Variants in NRG3 observed in about 807,000 individuals in gnomAD.
The protein encoded by NRG3 is pro-neuregulin-3, membrane-bound isoform.
In NRG3, 31 loss-of-function variants were observed where a neutral mutation model predicts 66.9. The ratio of observed to expected loss-of-function variants is 0.46; its 90% CI spans 0.35 to 0.63. The LOEUF is 0.63. Ranked by LOEUF, NRG3 falls within the 20% of genes least tolerant of loss-of-function variation. The pLI, the probability that NRG3 is intolerant of heterozygous loss-of-function variation, is 0.00. For synonymous variants in NRG3, 393 were observed against 359.4 expected (o/e 1.09, Z -1.06); for missense variants, 910 against 878.9 (o/e 1.04, Z -0.45).
intron 2 of NRG3, among the ~76,000 whole-genome samples, chr10:82,733,656 A>G (rs2058026149): frequency 6.6e-6 from 1 of 152,220 alleles, no homozygotes; most frequent in African/African-American, 2.4e-5. Flanking sequence ...AAATCCACAG[A>G]TGTGGAGCAA....
chr10:82,623,438 T>G (rs1008996276), intron 2 of NRG3, among the ~76,000 whole-genome samples: 2 of 152,212 alleles, frequency 1.3e-5, no homozygotes, highest in Non-Finnish European at 2.9e-5. Context: ...AGATTTGCTC[T>G]CTGCCTTGTT....
chr10:82,204,560 G>A (rs1229179191), intron 1 of NRG3, among the ~76,000 whole-genome samples: 1 of 152,150 alleles, frequency 6.6e-6, no homozygotes, highest in Non-Finnish European at 1.5e-5. Flanking sequence ...CAGTCAAGTG[G>A]CATTCGCTGT....
intron 1 of NRG3, among the ~76,000 whole-genome samples, chr10:82,033,099 A>G (rs2062641824): frequency 6.6e-6 from 1 of 152,188 alleles, no homozygotes; most frequent in Non-Finnish European, 1.5e-5. Context: ...ATTGAAAAAA[A>G]TGTGAAAATT....
chr10:82,227,337 A>G (rs763214497), intron 1 of NRG3, among the ~76,000 whole-genome samples: 7 of 152,152 alleles, frequency 4.6e-5, no homozygotes, highest in African/African-American at 7.2e-5. Context: ...TTGCAGGAAT[A>G]CTTACTAAGC....
At chr10:82,560,303 T>G (rs1195532602) in intron 2 of NRG3, among the ~76,000 whole-genome samples, 3 of 151,664 alleles carry the variant, frequency 2.0e-5, no homozygotes, top group Non-Finnish European at 4.4e-5. Context: ...TTATTATTTT[T>G]TATTGTATCC....
At chr10:82,567,367 G>C (rs1017588119) in intron 2 of NRG3, among the ~76,000 whole-genome samples, 1 of 151,900 alleles carries the variant, frequency 6.6e-6, no homozygotes, top group Non-Finnish European at 1.5e-5. Context: ...TTTATCAAAT[G>C]AATCTTTAAC....
intron 4 of NRG3, among the ~76,000 whole-genome samples, chr10:82,874,561 G>T (rs1346813391): frequency 6.6e-6 from 1 of 152,058 alleles, no homozygotes; most frequent in Non-Finnish European, 1.5e-5. Context: ...AAAGAGTTTA[G>T]TTTTGCTAGT....
At chr10:82,606,807 T>C (rs1374894917) in intron 2 of NRG3, among the ~76,000 whole-genome samples, 1 of 152,104 alleles carries the variant, frequency 6.6e-6, no homozygotes, top group Non-Finnish European at 1.5e-5. Flanking sequence ...GTTCTTCATA[T>C]CCTGAATTTC....
intron 4 of NRG3, among the ~76,000 whole-genome samples, chr10:82,867,249 G>C (rs2135959886): frequency 6.6e-6 from 1 of 152,240 alleles, no homozygotes; most frequent in Non-Finnish European, 1.5e-5. Context: ...TCCATCTTTT[G>C]GTTTCAATAT....
At chr10:82,525,702 A>G (rs1846629287) in intron 2 of NRG3, among the ~76,000 whole-genome samples, 1 of 151,890 alleles carries the variant, frequency 6.6e-6, no homozygotes. Flanking sequence ...AATGAGTTAG[A>G]AACCAGAAAA....
intron 2 of NRG3, among the ~76,000 whole-genome samples, chr10:82,403,490 C>T (rs2087268910): frequency 6.6e-6 from 1 of 152,186 alleles, no homozygotes; most frequent in Non-Finnish European, 1.5e-5. Flanking sequence ...TCTTCTTCCT[C>T]AGCTTGAAAA....
At chr10:82,007,900 T>C (rs2061433646) in intron 1 of NRG3, among the ~76,000 whole-genome samples, 1 of 152,146 alleles carries the variant, frequency 6.6e-6, no homozygotes, top group African/African-American at 2.4e-5. Context: ...TCCCAGTGCA[T>C]TAAAAAAATT....
chr10:82,822,701 A>ATG (rs2062006657), intron 3 of NRG3, among the ~76,000 whole-genome samples: 2 of 152,050 alleles, frequency 1.3e-5, no homozygotes, highest in Admixed American at 1.3e-4. Flanking sequence ...TGCAGAAAAT[A>ATG]TGTCCAATAT....
intron 1 of NRG3, among the ~76,000 whole-genome samples, chr10:82,015,699 G>T (rs991263395): frequency 6.6e-6 from 1 of 151,774 alleles, no homozygotes; most frequent in Non-Finnish European, 1.5e-5. Context: ...ATAAATTACC[G>T]CATCTCGGGC....
At chr10:82,686,364 T>A (rs1784028553) in intron 2 of NRG3, among the ~76,000 whole-genome samples, 1 of 151,962 alleles carries the variant, frequency 6.6e-6, no homozygotes, top group African/African-American at 2.4e-5. Flanking sequence ...ATTTTTGTAT[T>A]TTTAGTAGAG....
intron 1 of NRG3, among the ~76,000 whole-genome samples, chr10:82,276,116 T>G (rs1207163061): frequency 6.6e-6 from 1 of 151,996 alleles, no homozygotes; most frequent in Non-Finnish European, 1.5e-5. Context: ...TCATCAATAA[T>G]TCATTTTCCA....
chr10:81,953,297 G>A (rs1849546294), intron 1 of NRG3, among the ~76,000 whole-genome samples: 1 of 152,122 alleles, frequency 6.6e-6, no homozygotes, highest in Admixed American at 6.6e-5. Flanking sequence ...CTATGGAGAG[G>A]GGTATGCCCC....
intron 3 of NRG3, among the ~76,000 whole-genome samples, chr10:82,750,724 C>G (rs1312428396): frequency 2.0e-5 from 3 of 152,082 alleles, no homozygotes; most frequent in Non-Finnish European, 1.5e-5. Context: ...AATTTGAAAT[C>G]AAATCTGCTG....
intron 1 of NRG3, among the ~76,000 whole-genome samples, chr10:81,957,833 A>G (rs1849988605): frequency 6.6e-6 from 1 of 152,260 alleles, no homozygotes; most frequent in South Asian, 2.1e-4. Flanking sequence ...CTGATGATTA[A>G]GTAAAATTTG....
Sources: gnomAD v4.1 joint callset for allele counts (sites outside exome capture counted in the v4.1 genomes callset) on GRCh38, gnomAD v4.1.1 for gene constraint, MANE v1.5 for transcripts, NCBI Gene and HGNC (gene_info 2026-07-23, HGNC 2026-07-21) for gene names.